The following QSER1 variants were observed in gnomAD, a reference collection of about 807,000 sequenced individuals.
QSER1 encodes glutamine and serine-rich protein 1.
QSER1 carries 49 observed loss-of-function variants against 158.5 expected under a neutral mutation model. That is an observed-to-expected ratio of 0.31 (90% CI 0.25 to 0.39). QSER1 has a LOEUF of 0.39. Among genes scored for constraint, QSER1 ranks in the 10% least tolerant of loss-of-function variants. The pLI, the probability that QSER1 is intolerant of heterozygous loss-of-function variation, is 1.00. For synonymous variants in QSER1, 650 were observed against 715.5 expected, an observed-to-expected ratio of 0.91 and a Z score of 1.46; for missense variants, 1,754 against 2,010.3, an observed-to-expected ratio of 0.87 and a Z score of 2.44.
chr11:32,923,945 C>T (rs574430899), intron 1 of QSER1, among the ~76,000 whole-genome samples: 14 of 151,936 alleles, frequency 9.2e-5, no homozygotes, highest in Admixed American at 1.3e-4. Flanking sequence ...TCCAGCCTGG[C>T]GACAGAGCAA....
chr11:32,938,916 A>G (rs1852191704), intron 4 of QSER1, among the ~76,000 whole-genome samples: 1 of 152,184 alleles, frequency 6.6e-6, no homozygotes, highest in Non-Finnish European at 1.5e-5. Flanking sequence ...ACAGTTGTCT[A>G]ACACTCTGAA....
chr11:32,947,774 G>GC (rs1852360267), intron 4 of QSER1, among the ~76,000 whole-genome samples: 1 of 152,090 alleles, frequency 6.6e-6, no homozygotes, highest in Non-Finnish European at 1.5e-5. Context: ...TTCTAATACT[G>GC]TTTACTTGAT....
chr11:32,906,021 C>A (rs1164921615), intron 1 of QSER1, among the ~76,000 whole-genome samples: 2 of 151,570 alleles, frequency 1.3e-5, no homozygotes, highest in Non-Finnish European at 2.9e-5. Context: ...TTTACATTAG[C>A]CTTTGTTGTG....
chr11:32,958,066 C>A lies in QSER1; in HGVS notation c.4949C>A (p.Thr1650Asn). ...TCTGACTCATCTCCTGAGATCCATA[C>A]TAGTAGTAGTGACGATGAGGGTGAG... Reference protein sequence around the residue: ...SQSDSSPEIHTSSSDDEEFEP... With the variant: ...SQSDSSPEIHNSSSDDEEFEP... Residue 1650 changes from threonine to asparagine, a missense_variant, in exon 8 of 13, where the codon ACT (threonine) becomes AAT (asparagine). Physicochemically the swap from Thr to Asn is moderately conservative, Grantham distance 65. Coordinates refer to ENST00000650167, the MANE Select transcript of QSER1 (RefSeq NM_001076786.3). 1 of 1,613,946 alleles carries A rather than the reference C, an allele frequency of 6.2e-7. No homozygotes were observed. The highest frequency in any genetic ancestry group is 8.5e-7 in the Non-Finnish European group (1 of 1,179,894).
chr11:32,968,956 T>G, intron 9 of QSER1, 90 bp from the exon 10 acceptor site: 1 of 682,238 alleles, frequency 1.5e-6, no homozygotes, highest in African/African-American at 1.9e-5. Flanking sequence ...TTTAGTGTAT[T>G]TTAATATATA....
At chr11:32,902,815 A>T (rs1851642189) in intron 1 of QSER1, among the ~76,000 whole-genome samples, 1 of 152,200 alleles carries the variant, frequency 6.6e-6, no homozygotes, top group African/African-American at 2.4e-5. Flanking sequence ...ATCTCATTTA[A>T]CTTCTCATAA....
chr11:32,972,778 A>G (rs1852891958), intron 10 of QSER1, among the ~76,000 whole-genome samples: 1 of 152,150 alleles, frequency 6.6e-6, no homozygotes, highest in South Asian at 2.1e-4. Context: ...GTTTTGCCAC[A>G]TAACCACTGT....
At position 32,933,283 on chromosome 11, in the gene QSER1, T is replaced by C; in HGVS notation, c.2025T>C (p.Ala675=). The stretch of plus-strand genomic sequence containing the variant: ...CTTCCCCTGACCCAAAGTCTTATGC[T>C]GAAAGAAAGCTTGACTCAGATGTGT... ...NITSPDPKSY[A]ERKLDSDVYP... is the part of the protein sequence containing the mutation. The change falls in exon 4 of 13, where the codon GCT becomes GCC. Residue 675 remains alanine (A), a synonymous_variant. Transcript: ENST00000650167. 1 of 1,610,492 alleles carries C rather than the reference T, an allele frequency of 6.2e-7. No homozygotes were observed. Among genetic ancestry groups the C allele is most frequent in the South Asian group, 1.1e-5 (1 of 90,270 alleles).
chr11:32,909,255 A>C (rs1851733833), intron 1 of QSER1, among the ~76,000 whole-genome samples: 1 of 152,220 alleles, frequency 6.6e-6, no homozygotes, highest in Admixed American at 6.5e-5. Flanking sequence ...TTTCTTGAAA[A>C]GTTTAGCATG....
chr11:32,908,448 CT>C (rs1851721564), intron 1 of QSER1, among the ~76,000 whole-genome samples: 1 of 152,118 alleles, frequency 6.6e-6, no homozygotes, highest in African/African-American at 2.4e-5. Flanking sequence ...CTCTTTGGAA[CT>C]GATATATTGG....
At chr11:32,937,653 T>C (rs1007770002) in intron 4 of QSER1, among the ~76,000 whole-genome samples, 3 of 152,188 alleles carry the variant, frequency 2.0e-5, no homozygotes, top group African/African-American at 7.2e-5. Flanking sequence ...TTCAACTTTA[T>C]AAAAAAGGAA....
intron 1 of QSER1, among the ~76,000 whole-genome samples, chr11:32,916,847 C>T (rs1167675461): frequency 1.3e-5 from 2 of 150,828 alleles, no homozygotes; most frequent in African/African-American, 2.4e-5. Context: ...AGTGCAGTGG[C>T]GTGATCTCAG....
chr11:32,905,589 C>A (rs1448260394), intron 1 of QSER1, among the ~76,000 whole-genome samples: 2 of 152,150 alleles, frequency 1.3e-5, no homozygotes, highest in Non-Finnish European at 2.9e-5. Context: ...TAGAGATGGT[C>A]TTTTGCTATT....
chr11:32,935,033 A>C lies in QSER1; in HGVS notation c.3775A>C (p.Lys1259Gln). Residue 1259 changes from lysine to glutamine, a missense_variant, in exon 4 of 13, where the codon AAA (lysine) becomes CAA (glutamine). By Grantham distance (53) the Lys-to-Gln change is moderately conservative. Transcript: ENST00000650167. ...CCATGATGGTTATCAGCATCAAGAA[A>C]AAATGAGACAGAAGATCAAAGAGGT... ...SCHDGYQHQE[K>Q]MRQKIKEVEE... 1 of 1,614,140 alleles carries C rather than the reference A, an allele frequency of 6.2e-7. No individual in the cohort carries two copies. Among genetic ancestry groups the C allele is most frequent in the Non-Finnish European group, 8.5e-7 (1 of 1,180,006 alleles).
At chr11:32,970,364 T>TAC (rs1852829338) in intron 10 of QSER1, among the ~76,000 whole-genome samples, 1 of 152,182 alleles carries the variant, frequency 6.6e-6, no homozygotes, top group Non-Finnish European at 1.5e-5. Flanking sequence ...AGAAATCCAG[T>TAC]ACTAAGAATT....
chr11:32,938,202 C>T (rs1852180173), intron 4 of QSER1, among the ~76,000 whole-genome samples: 1 of 152,116 alleles, frequency 6.6e-6, no homozygotes, highest in Admixed American at 6.6e-5. Flanking sequence ...GTGATACAGT[C>T]AGTATATAGT....
chr11:32,972,406 C>CTTATTTAT (rs34645067), intron 10 of QSER1, among the ~76,000 whole-genome samples: 1,463 of 140,992 alleles, frequency 0.01, 11 homozygotes, highest in East Asian at 0.021. Flanking sequence ...AGGCCAGTGG[C>CTTATTTAT]TTATTTATTT....
intron 4 of QSER1, among the ~76,000 whole-genome samples, chr11:32,948,127 CT>C (rs1414699132): frequency 6.6e-6 from 1 of 152,170 alleles, no homozygotes; most frequent in African/African-American, 2.4e-5. Flanking sequence ...AAAACTCACC[CT>C]TCCAAATAAC....
intron 3 of QSER1, among the ~76,000 whole-genome samples, chr11:32,928,562 GTTGA>G (rs1034138126): frequency 6.6e-6 from 1 of 152,268 alleles, no homozygotes; most frequent in Non-Finnish European, 1.5e-5. Flanking sequence ...GACATTACAA[GTTGA>G]TATTATGATG....
Sources: gnomAD v4.1 joint callset for allele counts (sites outside exome capture counted in the v4.1 genomes callset) on GRCh38, gnomAD v4.1.1 for gene constraint, MANE v1.5 for transcripts, NCBI Gene and HGNC (gene_info 2026-07-23, HGNC 2026-07-21) for gene names.